Variants in HAS2 observed in about 807,000 individuals in gnomAD.
HAS2 encodes the protein HA synthase 2.
HAS2 carries 16 observed loss-of-function variants against 51.6 expected under a neutral mutation model. The observed-to-expected ratio is 0.31, with a 90% CI of 0.21 to 0.47. The LOEUF (loss-of-function observed/expected upper bound fraction) is 0.47. Ranked by LOEUF, HAS2 falls within the 20% of genes least tolerant of loss-of-function variation. HAS2 has a pLI of 1.00. For missense variants in HAS2, 361 were observed against 662.6 expected, an observed-to-expected ratio of 0.54 and a Z score of 5.00; for synonymous variants, 228 against 235.5, an observed-to-expected ratio of 0.97 and a Z score of 0.29.
intron 2 of HAS2, among the ~76,000 whole-genome samples, chr8:121,623,413 T>C (rs914929124): frequency 3.3e-5 from 5 of 152,136 alleles, no homozygotes; most frequent in African/African-American, 1.2e-4. Context: ...TGTTTGGAAT[T>C]CTCATTCTAA....
chr8:121,636,304 A>G (rs1364367059), intron 1 of HAS2, among the ~76,000 whole-genome samples: 4 of 152,122 alleles, frequency 2.6e-5, no homozygotes, highest in Admixed American at 2.0e-4. Flanking sequence ...GAGGACCCAA[A>G]TGAAGTCTCC....
intron 1 of HAS2, among the ~76,000 whole-genome samples, chr8:121,630,114 T>C (rs1812910588): frequency 6.6e-6 from 1 of 152,164 alleles, no homozygotes; most frequent in African/African-American, 2.4e-5. Context: ...AAAGTCTCTC[T>C]CCTCCATCCG....
intron 2 of HAS2, among the ~76,000 whole-genome samples, chr8:121,626,748 A>C (rs1280010218): frequency 6.6e-6 from 1 of 152,104 alleles, no homozygotes; most frequent in Non-Finnish European, 1.5e-5. Flanking sequence ...ATATCAGGGG[A>C]TTTACTGAGG....
At chr8:121,628,170 T>A (rs1389484772) in intron 2 of HAS2, among the ~76,000 whole-genome samples, 2 of 152,178 alleles carry the variant, frequency 1.3e-5, no homozygotes, top group Admixed American at 1.3e-4. Flanking sequence ...TTTTTTTTTC[T>A]CATTTTTTGT....
At chr8:121,623,841 CT>C (rs1812808226) in intron 2 of HAS2, among the ~76,000 whole-genome samples, 2 of 152,338 alleles carry the variant, frequency 1.3e-5, no homozygotes, top group South Asian at 4.1e-4. Flanking sequence ...ATTCTCAATA[CT>C]GGCCCTCAGA....
chr8:121,613,890 C>T lies in HAS2; in HGVS notation c.*219G>A. On this transcript the variant is annotated 3_prime_UTR_variant, in exon 4 of 4. Coordinates refer to ENST00000303924, the MANE Select transcript of HAS2 (RefSeq NM_005328.3). ...AAAAGTGCATAAACAAAGAATTCAT[C>T]CCATTTTCATAGAAATAACAGGTTA... 1.5e-6 allele frequency: 1 copy of T among 664,994 alleles called. No homozygotes were observed. The highest frequency in any genetic ancestry group is 2.5e-6 in the Non-Finnish European group (1 of 401,104). The allele number at this position is 664,994 out of a possible 1,614,324, so 41.2% of individuals were successfully genotyped here. A position where few individuals can be genotyped will look rare whatever the true frequency, so the allele number is the denominator to read the frequency against.
chr8:121,616,477 C>T (rs1285259064), intron 3 of HAS2, among the ~76,000 whole-genome samples: 2 of 150,920 alleles, frequency 1.3e-5, no homozygotes, highest in Non-Finnish European at 2.9e-5. Context: ...TACCCTATCA[C>T]CCAGGCTGAA....
At chr8:121,632,926 A>G (rs1389548092) in intron 1 of HAS2, among the ~76,000 whole-genome samples, 3 of 152,188 alleles carry the variant, frequency 2.0e-5, no homozygotes, top group South Asian at 2.1e-4. Context: ...AAAGAAACCA[A>G]GACTCTGGGT....
At chr8:121,626,951 C>G (rs984160402) in intron 2 of HAS2, among the ~76,000 whole-genome samples, 16 of 152,268 alleles carry the variant, frequency 1.1e-4, no homozygotes, top group African/African-American at 3.9e-4. Context: ...AGGGCTCTAG[C>G]AGGAGGCCTA....
chr8:121,630,036 C>T (rs1812909373), intron 1 of HAS2, among the ~76,000 whole-genome samples: 1 of 152,016 alleles, frequency 6.6e-6, no homozygotes, highest in African/African-American at 2.4e-5. Context: ...TAAAAATCTT[C>T]CATCCCTAAG....
chr8:121,627,698 T>C (rs1481364728), intron 2 of HAS2, among the ~76,000 whole-genome samples: 2 of 152,142 alleles, frequency 1.3e-5, no homozygotes, highest in South Asian at 2.1e-4. Context: ...GTCAACTGAC[T>C]CTAAAGCCAA....
At chr8:121,640,420 A>AGTGTGTGTGT (rs10578731) in intron 1 of HAS2, among the ~76,000 whole-genome samples, 22,914 of 148,276 alleles carry the variant, frequency 0.15, 1,926 homozygotes, top group Middle Eastern at 0.28. Flanking sequence ...TTCTCCCCAC[A>AGTGTGTGTGT]GTGTGTGTGT....
rs397728062 is a variant in HAS2 at position 121,637,390 on chromosome 8, C to CTTTTTTTTTT, written c.-1+3453_-1+3462dup. Among the ~76,000 whole-genome samples, 6 of 130,772 alleles carry CTTTTTTTTTT rather than the reference C, an allele frequency of 4.6e-5. 2 individuals carry two copies. Among genetic ancestry groups the CTTTTTTTTTT allele is most frequent in the Non-Finnish European group, 6.3e-5 (4 of 63,034 alleles). 85.8% of individuals were successfully genotyped at this position (130,772 alleles called of 152,430 possible). On this transcript the variant is annotated intron_variant, in intron 1 of 3. Transcript: ENST00000303924. ...CCACATGACTACCATTCAAAATAGA[C>CTTTTTTTTTT]TTTTTTTTTTTTTTTTTTGAGATAG... is the stretch of plus-strand genomic sequence containing the variant.
chr8:121,629,685 C>T (rs1812903267), intron 1 of HAS2, among the ~76,000 whole-genome samples: 1 of 152,104 alleles, frequency 6.6e-6, no homozygotes, highest in Non-Finnish European at 1.5e-5. Flanking sequence ...GTGGTCATAG[C>T]CAGGCAGGGA....
At chr8:121,636,077 T>C (rs1471557647) in intron 1 of HAS2, among the ~76,000 whole-genome samples, 1 of 152,218 alleles carries the variant, frequency 6.6e-6, no homozygotes, top group Non-Finnish European at 1.5e-5. Flanking sequence ...GCCATAAAAT[T>C]TACTGATCTG....
rs150350913 is a variant in HAS2 at position 121,616,593 on chromosome 8, G to T, written c.729+512C>A. Among the ~76,000 whole-genome samples the T allele has an allele frequency of 7.6e-3, 1,155 of 151,646 alleles. 15 individuals are homozygous for T. The highest frequency in any genetic ancestry group is 0.026 in the African/African-American group (1,077 of 41,356). On this transcript the variant is annotated intron_variant, in intron 3 of 3. Coordinates refer to ENST00000303924, the MANE Select transcript of HAS2 (RefSeq NM_005328.3). ...TGGGACTACAGTCGCACACCACCAC[G>T]CCCAGCTAATTTTTGTATTTTTAGT...
chr8:121,616,446 T>G (rs1310527453), intron 3 of HAS2, among the ~76,000 whole-genome samples: 2 of 151,794 alleles, frequency 1.3e-5, no homozygotes, highest in Non-Finnish European at 2.9e-5. Flanking sequence ...CTTTTTCTTT[T>G]TTTTTTTTGA....
chr8:121,622,057 C>T (rs1812780109), intron 2 of HAS2, among the ~76,000 whole-genome samples: 1 of 126,160 alleles, frequency 7.9e-6, no homozygotes, highest in Non-Finnish European at 1.7e-5. Context: ...TTAACCTTGA[C>T]TCTTCATCTT....
intron 1 of HAS2, among the ~76,000 whole-genome samples, chr8:121,629,940 A>G (rs1812908345): frequency 6.6e-6 from 1 of 152,070 alleles, no homozygotes; most frequent in Non-Finnish European, 1.5e-5. Flanking sequence ...GAGTCACCAT[A>G]CCTCTCTGGG....
Sources: allele counts gnomAD v4.1 joint callset (sites outside exome capture counted in the v4.1 genomes callset), GRCh38; gene constraint gnomAD v4.1.1; transcripts MANE v1.5; gene names NCBI Gene and HGNC (gene_info 2026-07-23, HGNC 2026-07-21).